The following KIF13B variants were observed in gnomAD, a reference collection of about 807,000 sequenced individuals.
KIF13B encodes kinesin family member 13B, also known as kinesin-like protein KIF13B.
In KIF13B, 127 loss-of-function variants were observed where a neutral mutation model predicts 222.0. The ratio of observed to expected loss-of-function variants is 0.57; its 90% CI spans 0.50 to 0.66. The LOEUF is 0.66. Ranked by LOEUF, KIF13B falls within the 30% of genes least tolerant of loss-of-function variation. The pLI is 0.00. For missense variants in KIF13B, 2,173 were observed against 2,379.0 expected (o/e 0.91, Z 1.80); for synonymous variants, 976 against 919.0 (o/e 1.06, Z -1.12).
intron 4 of KIF13B, chr8:29,190,667 T>C (rs1813137930): frequency 1.2e-5 from 3 of 253,958 alleles, no homozygotes; most frequent in Non-Finnish European, 2.3e-5. Context: ...AGGTCAGAAG[T>C]TCTAGAGGCC....
At chr8:29,081,107 C>T (rs1207194421) in intron 37 of KIF13B, among the ~76,000 whole-genome samples, 1 of 152,250 alleles carries the variant, frequency 6.6e-6, no homozygotes, top group East Asian at 1.9e-4. Flanking sequence ...GTCCCTCCTG[C>T]AAACGCTCTA....
In KIF13B at chr8:29,122,469, G is replaced by A. The variant is rs115741572; in HGVS notation, c.3535+122C>T. 2.1e-3 allele frequency: 1,570 copies of A among 750,238 alleles called. 15 individuals carry two copies. The African/African-American group carries it at 0.024, about 11-fold the overall frequency. The allele number at this position is 750,238 out of a possible 1,614,324, so 46.5% of individuals were successfully genotyped here. On this transcript the variant is annotated intron_variant, in intron 29 of 39. Coordinates refer to ENST00000524189, the MANE Select transcript of KIF13B (RefSeq NM_015254.4). ...CTGCAACCAGGAGACATGGACACAC[G>A]TCAAACTGGCTCTAGCCTTAGGGGG... is the stretch of plus-strand genomic sequence containing the variant.
At chr8:29,159,397 G>C (rs1339977840) in intron 13 of KIF13B, among the ~76,000 whole-genome samples, 1 of 152,086 alleles carries the variant, frequency 6.6e-6, no homozygotes, top group Non-Finnish European at 1.5e-5. Flanking sequence ...TGATCTGCCC[G>C]CCTCAGCCTC....
chr8:29,109,195 G>C (rs1450689203), intron 34 of KIF13B, among the ~76,000 whole-genome samples: 7 of 152,206 alleles, frequency 4.6e-5, no homozygotes. Flanking sequence ...CTAGGCAGTG[G>C]TGATCGGAAG....
chr8:29,191,137 T>TC, intron 3 of KIF13B, 80 bp from the exon 4 acceptor site: 1 of 1,092,956 alleles, frequency 9.1e-7, no homozygotes, highest in South Asian at 1.6e-5. Context: ...CTGTTCATAA[T>TC]AGTGAAATAA....
chr8:29,167,612 A>C (rs1812064863), intron 10 of KIF13B, 27 bp from the exon 11 acceptor site: 1 of 1,572,190 alleles, frequency 6.4e-7, no homozygotes, highest in Non-Finnish European at 8.8e-7. Context: ...AAAGTTGAGT[A>C]GCATATTAAA....
intron 2 of KIF13B, among the ~76,000 whole-genome samples, chr8:29,229,778 G>A (rs1815202438): frequency 6.6e-6 from 1 of 152,070 alleles, no homozygotes; most frequent in Admixed American, 6.5e-5. Flanking sequence ...GTTGCTATCT[G>A]GGGCATCAAG....
At chr8:29,204,947 C>G (rs1323012016) in intron 2 of KIF13B, among the ~76,000 whole-genome samples, 1 of 152,222 alleles carries the variant, frequency 6.6e-6, no homozygotes, top group African/African-American at 2.4e-5. Context: ...AAAATGTTCA[C>G]TGAATATGAA....
intron 37 of KIF13B, among the ~76,000 whole-genome samples, chr8:29,092,091 T>C (rs894046817): frequency 2.0e-5 from 3 of 152,270 alleles, no homozygotes; most frequent in Non-Finnish European, 4.4e-5. Context: ...GTATGTGTTT[T>C]TGAATGAGTA....
At chr8:29,204,528 C>T (rs114922864) in intron 2 of KIF13B, among the ~76,000 whole-genome samples, 1,772 of 152,152 alleles carry the variant, frequency 0.012, 35 homozygotes, top group African/African-American at 0.04. Flanking sequence ...CACTGCAAGA[C>T]CCCCATCTCT....
intron 24 of KIF13B, among the ~76,000 whole-genome samples, chr8:29,127,680 C>T (rs544252809): frequency 3.1e-4 from 47 of 152,172 alleles, no homozygotes; most frequent in Non-Finnish European, 4.9e-4. Context: ...ATTTACGAAA[C>T]AATTTCATAC....
intron 34 of KIF13B, 25 bp from the exon 35 acceptor site, chr8:29,108,217 A>C (rs1460015239): frequency 1.2e-6 from 2 of 1,605,862 alleles, no homozygotes; most frequent in Non-Finnish European, 1.7e-6. Context: ...AAGGGGGGTT[A>C]GTTATTTATG....
chr8:29,084,224 T>C (rs1320337584), intron 37 of KIF13B, among the ~76,000 whole-genome samples: 1 of 152,212 alleles, frequency 6.6e-6, no homozygotes, highest in Non-Finnish European at 1.5e-5. Flanking sequence ...CCGTGTTTTC[T>C]TCTTTTAGTT....
intron 21 of KIF13B, among the ~76,000 whole-genome samples, 162 bp from the exon 22 acceptor site, chr8:29,134,372 T>C (rs921962374): frequency 2.0e-5 from 3 of 152,208 alleles, no homozygotes; most frequent in Non-Finnish European, 4.4e-5. Context: ...ATCTGGGAAA[T>C]AGTGGTAGCA....
chr8:29,118,938 T>A lies in KIF13B; in HGVS notation c.3590A>T (p.Asp1197Val), dbSNP rs1278099723. 35 of 1,613,790 alleles carry A rather than the reference T, an allele frequency of 2.2e-5. No individual in the cohort carries two copies. The highest frequency in any genetic ancestry group is 2.9e-5 in the Non-Finnish European group (34 of 1,179,830). Residue 1197 changes from aspartate (D) to valine (V), a missense_variant, in exon 30 of 40, where the codon GAT (aspartate) becomes GTT (valine). Around this residue, in one of 2 missense-constraint regions of KIF13B, gnomAD observed 1,480 missense variants for 1,722.8 expected, o/e 0.86. Transcript: ENST00000524189. ...NLDDPEAGGW[D>V]ATLTGEEEEE... ...TTCTTCTTCCCCAGTCAAGGTCGCA[T>A]CCCATCCACCAGCTTCTGGGTCATC...
intron 1 of KIF13B, among the ~76,000 whole-genome samples, chr8:29,251,573 A>G (rs1816282893): frequency 6.6e-6 from 1 of 152,142 alleles, no homozygotes; most frequent in Non-Finnish European, 1.5e-5. Context: ...AAATTCATAG[A>G]GACACAATGT....
intron 2 of KIF13B, among the ~76,000 whole-genome samples, chr8:29,210,063 GA>G (rs397776775): frequency 3.7e-4 from 53 of 142,306 alleles, no homozygotes; most frequent in Admixed American, 9.8e-4. Context: ...CTCAGAGAGA[GA>G]AAAAAAAAAA....
rs368691899 is a variant in KIF13B, at chr8:29,260,567, T to C, written c.55+2413A>G. Among the ~76,000 whole-genome samples the C allele has an allele frequency of 1.5e-4, 23 of 151,672 alleles. No homozygotes were observed. The East Asian group carries it at 1.7e-3, about 11-fold the overall frequency. ...TTACTGGAAAGGTTCCTACAGATCA[T>C]ACAAGGAAGAAAAAAAAGGAAATTA... On this transcript the variant is annotated intron_variant, in intron 1 of 39. Coordinates refer to ENST00000524189, the MANE Select transcript of KIF13B (RefSeq NM_015254.4).
intron 25 of KIF13B, 105 bp from the exon 26 acceptor site, chr8:29,126,616 G>C (rs1270892324): frequency 2.7e-6 from 2 of 737,486 alleles, no homozygotes; most frequent in African/African-American, 3.5e-5. Context: ...TTTTCCAATT[G>C]AATTAATATA....
Sources: allele counts gnomAD v4.1 joint callset (sites outside exome capture counted in the v4.1 genomes callset), GRCh38; gene constraint gnomAD v4.1.1; regional missense constraint gnomAD v4.1.1; transcripts MANE v1.5; gene names NCBI Gene and HGNC (gene_info 2026-07-23, HGNC 2026-07-21).